The following MCC variants were observed in gnomAD, a reference collection of about 807,000 sequenced individuals.
The protein encoded by MCC is MCC regulator of Wnt signaling pathway, also known as colorectal mutant cancer protein.
MCC carries 90 observed loss-of-function variants against 116.2 expected under a neutral mutation model. The observed-to-expected ratio is 0.77, with a 90% CI of 0.65 to 0.92. The LOEUF (loss-of-function observed/expected upper bound fraction) is 0.92. Among genes scored for constraint, MCC ranks in the 40% least tolerant of loss-of-function variants. The probability of loss-of-function intolerance (pLI) is 0.00; values close to 1 mark genes in which losing one functional copy is unlikely to be tolerated. For synonymous variants in MCC, 578 were observed against 510.5 expected (o/e 1.13, Z -1.78); for missense variants, 1,516 against 1,312.2 (o/e 1.16, Z -2.40).
chr5:113,351,809 T>C (rs184827176), intron 2 of MCC, among the ~76,000 whole-genome samples: 6 of 152,288 alleles, frequency 3.9e-5, no homozygotes, highest in Admixed American at 2.6e-4. Context: ...ATGTACCCCA[T>C]AAATATATAT....
intron 2 of MCC, among the ~76,000 whole-genome samples, chr5:113,360,180 T>C (rs1415032602): frequency 7.2e-6 from 1 of 138,356 alleles, no homozygotes; most frequent in African/African-American, 3.1e-5. Flanking sequence ...GGGGAAAAAA[T>C]ACACCAAGGG....
chr5:113,221,463 G>C (rs1217003508), intron 3 of MCC, among the ~76,000 whole-genome samples: 1 of 152,206 alleles, frequency 6.6e-6, no homozygotes, highest in Non-Finnish European at 1.5e-5. Flanking sequence ...TCCCCTTCCT[G>C]CCTGGGGACT....
At chr5:113,233,281 A>G (rs1268912296) in intron 3 of MCC, among the ~76,000 whole-genome samples, 1 of 152,198 alleles carries the variant, frequency 6.6e-6, no homozygotes, top group Non-Finnish European at 1.5e-5. Context: ...AGCTGAAAAT[A>G]CCCATATTAA....
intron 1 of MCC, among the ~76,000 whole-genome samples, chr5:113,461,047 C>T (rs1771728502): frequency 6.6e-6 from 1 of 152,156 alleles, no homozygotes; most frequent in African/African-American, 2.4e-5. Context: ...TGGCTTGAGG[C>T]CAGGAGTTTG....
chr5:113,326,148 C>A (rs968658939), intron 3 of MCC, among the ~76,000 whole-genome samples: 1 of 152,102 alleles, frequency 6.6e-6, no homozygotes, highest in Non-Finnish European at 1.5e-5. Context: ...AAGTATGAAT[C>A]AAGACAACAC....
intron 3 of MCC, among the ~76,000 whole-genome samples, chr5:113,323,736 G>T (rs753972146): frequency 6.6e-6 from 1 of 152,128 alleles, no homozygotes; most frequent in African/African-American, 2.4e-5. Context: ...AAAATCTCAC[G>T]TGGGCCTGGA....
chr5:113,433,177 C>T (rs71577448), intron 1 of MCC: 22,368 of 174,776 alleles, frequency 0.13, 1,731 homozygotes, highest in Non-Finnish European at 0.17. Flanking sequence ...GGAGTCGGAG[C>T]CCCCGAGGCT....
At chr5:113,291,387 C>G (rs1198306211) in intron 3 of MCC, among the ~76,000 whole-genome samples, 1 of 152,220 alleles carries the variant, frequency 6.6e-6, no homozygotes, top group Non-Finnish European at 1.5e-5. Flanking sequence ...TAAACTCACT[C>G]TCTAGTTCAG....
At chr5:113,343,846 A>G (rs879642312) in intron 2 of MCC, among the ~76,000 whole-genome samples, 32 of 152,202 alleles carry the variant, frequency 2.1e-4, no homozygotes, top group Non-Finnish European at 3.4e-4. Context: ...AAACAGGAAA[A>G]TATAACAGTT....
chr5:113,219,618 C>T (rs965532949), intron 3 of MCC, among the ~76,000 whole-genome samples: 7 of 152,062 alleles, frequency 4.6e-5, no homozygotes, highest in African/African-American at 1.4e-4. Flanking sequence ...GTTGGAGGAC[C>T]GTATAATGAA....
intron 3 of MCC, among the ~76,000 whole-genome samples, chr5:113,194,403 T>C (rs764061035): frequency 3.3e-5 from 5 of 152,096 alleles, no homozygotes; most frequent in Non-Finnish European, 5.9e-5. Context: ...GGGGGCTCAC[T>C]CCCTGAATAC....
At position 113,024,601 on chromosome 5, in the gene MCC, G is replaced by A. The variant is rs1561722234; in HGVS notation, c.*2701C>T. Reference sequence around the variant, plus strand: ...AACTAGGGAGAACAATTCAAAATACGAAATCTGAAGGTTTTTAACCTCATA... The same window carrying A: ...AACTAGGGAGAACAATTCAAAATACAAAATCTGAAGGTTTTTAACCTCATA... On this transcript the variant is annotated 3_prime_UTR_variant, in exon 19 of 19. Coordinates refer to ENST00000408903, the MANE Select transcript of MCC (RefSeq NM_001085377.2). The A allele has an allele frequency of 1.3e-5, 2 of 152,176 alleles. No individual in the cohort carries two copies. The highest frequency in any genetic ancestry group is 2.4e-5 in the African/African-American group (1 of 41,450). The allele number at this position is 152,176 out of a possible 1,614,324, so 9.4% of individuals were successfully genotyped here. A position where few individuals can be genotyped will look rare whatever the true frequency, so the allele number is the denominator to read the frequency against.
chr5:113,389,835 T>C (rs1769361082), intron 1 of MCC, among the ~76,000 whole-genome samples: 1 of 152,192 alleles, frequency 6.6e-6, no homozygotes, highest in African/African-American at 2.4e-5. Flanking sequence ...GTCCCCACTT[T>C]GGATATTTTC....
At chr5:113,137,935 T>C (rs1219809519) in intron 5 of MCC, among the ~76,000 whole-genome samples, 1 of 111,994 alleles carries the variant, frequency 8.9e-6, no homozygotes, top group Non-Finnish European at 1.9e-5. Context: ...CAACCTGCAT[T>C]GTCTGATTCT....
chr5:113,195,971 A>G (rs1762385909), intron 3 of MCC, among the ~76,000 whole-genome samples: 1 of 152,004 alleles, frequency 6.6e-6, no homozygotes. Context: ...TTCTCTTCCA[A>G]CTACTGAAAT....
At chr5:113,048,710 G>C (rs984133263) in intron 16 of MCC, 5 of 357,190 alleles carry the variant, frequency 1.4e-5, no homozygotes, top group Non-Finnish European at 2.0e-5. Context: ...ATCTATGGGG[G>C]ATTTTGGATC....
chr5:113,190,893 T>C (rs113379931), intron 3 of MCC, among the ~76,000 whole-genome samples: 176 of 152,322 alleles, frequency 1.2e-3, no homozygotes, highest in African/African-American at 3.7e-3. Flanking sequence ...CCCATTACCA[T>C]GTGCATGGCC....
In MCC at chr5:113,429,453, T is replaced by C. The variant is rs374216316; in HGVS notation, c.171-44241A>G. ...TTTCTATTATTTAAACCACCTAGTCTATGGTACTTTGTTGTGGCGGCCAGG... is the reference window on the plus strand; with the variant it reads ...TTTCTATTATTTAAACCACCTAGTCCATGGTACTTTGTTGTGGCGGCCAGG... On this transcript the variant is annotated intron_variant, in intron 1 of 18. Coordinates refer to ENST00000408903, the MANE Select transcript of MCC (RefSeq NM_001085377.2). 1.8e-4 allele frequency among the ~76,000 whole-genome samples: 27 copies of C among 152,304 alleles called. No individual in the cohort carries two copies. In the South Asian group the frequency reaches 5.4e-3, roughly 30 times the overall value.
intron 1 of MCC, among the ~76,000 whole-genome samples, chr5:113,402,147 A>G (rs1769706454): frequency 6.6e-6 from 1 of 152,064 alleles, no homozygotes; most frequent in African/African-American, 2.4e-5. Context: ...ACAAAAAATT[A>G]GCCCGACGTA....
Sources: gnomAD v4.1 joint callset for allele counts (sites outside exome capture counted in the v4.1 genomes callset) on GRCh38, gnomAD v4.1.1 for gene constraint, MANE v1.5 for transcripts, NCBI Gene and HGNC (gene_info 2026-07-23, HGNC 2026-07-21) for gene names.